Variants in KANSL1 observed in about 807,000 individuals in gnomAD.
The protein encoded by KANSL1 is MLL1/MLL complex subunit KANSL1.
In KANSL1, 22 loss-of-function variants were observed where a neutral mutation model predicts 103.6. The observed-to-expected ratio is 0.21, with a 90% CI of 0.15 to 0.30. KANSL1 has a LOEUF of 0.30. KANSL1 is among the 10% of genes least tolerant of loss of function. The pLI, the probability that KANSL1 is intolerant of heterozygous loss-of-function variation, is 1.00. For missense variants in KANSL1, 1,337 were observed against 1,399.8 expected, an observed-to-expected ratio of 0.96 and a Z score of 0.72; for synonymous variants, 600 against 527.6, an observed-to-expected ratio of 1.14 and a Z score of -1.88.
At chr17:46,089,757 T>A (rs1237655516) in intron 3 of KANSL1, among the ~76,000 whole-genome samples, 1 of 152,236 alleles carries the variant, frequency 6.6e-6, no homozygotes, top group Non-Finnish European at 1.5e-5. Context: ...CACTTGGATG[T>A]GTAACCATGA....
intron 4 of KANSL1, among the ~76,000 whole-genome samples, chr17:46,068,560 C>A (rs933758242): frequency 5.9e-5 from 9 of 152,030 alleles, no homozygotes; most frequent in African/African-American, 2.2e-4. Context: ...CAGAGTGAGA[C>A]CCTGTCTCAA....
chr17:46,090,295 G>A (rs79923630), intron 3 of KANSL1, among the ~76,000 whole-genome samples: 1 of 152,078 alleles, frequency 6.6e-6, no homozygotes, highest in African/African-American at 2.4e-5. Flanking sequence ...CAGACTTCTG[G>A]CCTCCAGAAC....
chr17:46,173,588 T>C (rs1290059458), intron 1 of KANSL1, among the ~76,000 whole-genome samples: 3 of 152,238 alleles, frequency 2.0e-5, no homozygotes, highest in African/African-American at 7.2e-5. Context: ...TCAAAGGTAT[T>C]TTCATAGCAA....
At chr17:46,091,821 G>C (rs1568437741) in intron 3 of KANSL1, among the ~76,000 whole-genome samples, 1 of 151,964 alleles carries the variant, frequency 6.6e-6, no homozygotes, top group Non-Finnish European at 1.5e-5. Flanking sequence ...AAGTATGTAT[G>C]TATGTATGTA....
upstream of KANSL1, among the ~76,000 whole-genome samples, chr17:46,198,619 C>A (rs2047694564): frequency 2.0e-5 from 3 of 152,112 alleles, no homozygotes; most frequent in Non-Finnish European, 4.4e-5. Flanking sequence ...ATAGTCCTAG[C>A]TACTTGGGAG....
chr17:46,120,462 G>C (rs1234757222), intron 2 of KANSL1, among the ~76,000 whole-genome samples: 1 of 152,144 alleles, frequency 6.6e-6, no homozygotes, highest in Non-Finnish European at 1.5e-5. Context: ...AAAGAAAGGA[G>C]GTCTACTGTG....
chr17:46,159,513 G>A (rs181291564), intron 2 of KANSL1, among the ~76,000 whole-genome samples: 1 of 152,300 alleles, frequency 6.6e-6, no homozygotes, highest in African/African-American at 2.4e-5. Flanking sequence ...CACAAATACA[G>A]ACTAAGTAGA....
intron 2 of KANSL1, among the ~76,000 whole-genome samples, chr17:46,100,642 GATAAGTAGC>G (rs1239161860): frequency 8.5e-5 from 13 of 152,136 alleles, no homozygotes; most frequent in Non-Finnish European, 1.5e-4. Flanking sequence ...GTATTTATTA[GATAAGTAGC>G]ACCAAAAGCT....
intron 4 of KANSL1, among the ~76,000 whole-genome samples, chr17:46,080,374 A>T (rs2078944216): frequency 6.6e-6 from 1 of 151,310 alleles, no homozygotes; most frequent in South Asian, 2.1e-4. Context: ...GGAAAAAATT[A>T]ACAAAATGGA....
intron 1 of KANSL1, among the ~76,000 whole-genome samples, chr17:46,186,740 T>G (rs1481515277): frequency 6.6e-6 from 1 of 152,200 alleles, no homozygotes; most frequent in African/African-American, 2.4e-5. Context: ...TCTTTTTTCT[T>G]TTTTTTGAGA....
intron 2 of KANSL1, among the ~76,000 whole-genome samples, chr17:46,151,810 G>A (rs560335077): frequency 1.3e-5 from 2 of 152,282 alleles, no homozygotes; most frequent in East Asian, 3.9e-4. Flanking sequence ...CTTAATTTGG[G>A]GCTTTAGGGA....
intron 2 of KANSL1, among the ~76,000 whole-genome samples, chr17:46,159,310 A>G (rs891123070): frequency 1.3e-5 from 2 of 152,270 alleles, no homozygotes; most frequent in African/African-American, 4.8e-5. Flanking sequence ...GAGCCTAGGT[A>G]GACAAAATGT....
chr17:46,072,299 A>G (rs1321655564), intron 4 of KANSL1, among the ~76,000 whole-genome samples: 2 of 152,124 alleles, frequency 1.3e-5, no homozygotes, highest in Non-Finnish European at 1.5e-5. Flanking sequence ...CTACCTGCAA[A>G]TATGTATTTT....
At position 46,105,947 on chromosome 17, in the gene KANSL1, A is replaced by ACAC. The variant is rs1396276906; in HGVS notation, c.1290-11247_1290-11246insGTG. Among the ~76,000 whole-genome samples the ACAC allele has an allele frequency of 4.3e-3, 250 of 57,836 alleles. 3 individuals carry two copies. Among genetic ancestry groups the ACAC allele is most frequent in the African/African-American group, 0.016 (240 of 15,210 alleles). 37.9% of individuals were successfully genotyped at this position (57,836 alleles called of 152,430 possible). A position where few individuals can be genotyped will look rare whatever the true frequency, so the allele number is the denominator to read the frequency against. On this transcript the variant is annotated intron_variant, in intron 2 of 14. Coordinates refer to ENST00000432791, the MANE Select transcript of KANSL1 (RefSeq NM_015443.4). The stretch of plus-strand genomic sequence containing the variant: ...CACACACACACACACACACACACAC[A>ACAC]CCCCCCCAGAAGGGTGAAGGAGCAG...
intron 1 of KANSL1, among the ~76,000 whole-genome samples, chr17:46,186,062 G>A (rs943000163): frequency 1.3e-5 from 2 of 151,866 alleles, no homozygotes; most frequent in African/African-American, 4.8e-5. Flanking sequence ...TAAAATCAGC[G>A]ACTTCTGGAA....
chr17:46,211,226 G>GAAA (rs2048158699), intron 1 of KANSL1, among the ~76,000 whole-genome samples: 4 of 48,928 alleles, frequency 8.2e-5, no homozygotes, highest in Non-Finnish European at 1.7e-4. Flanking sequence ...GATGTTCTAT[G>GAAA]CAAAAAAAAA....
intron 6 of KANSL1, among the ~76,000 whole-genome samples, chr17:46,055,165 T>C (rs1358715649): frequency 2.0e-5 from 3 of 151,394 alleles, no homozygotes; most frequent in African/African-American, 7.2e-5. Context: ...AAGTTTTATT[T>C]AGAAATACAA....
chr17:46,092,277 C>G (rs549369339), intron 3 of KANSL1, among the ~76,000 whole-genome samples: 1 of 152,182 alleles, frequency 6.6e-6, no homozygotes, highest in South Asian at 2.1e-4. Context: ...TTTAGAAATA[C>G]TTTTCAGATA....
intron 2 of KANSL1, among the ~76,000 whole-genome samples, chr17:46,101,754 CAAAAAAAAAAAAA>C (rs372439614): frequency 6.4e-5 from 6 of 93,656 alleles, no homozygotes. Flanking sequence ...ACTCTGTCTA[CAAAAAAAAAAAAA>C]AAAAAAAAAA....
Sources: allele counts gnomAD v4.1 joint callset (sites outside exome capture counted in the v4.1 genomes callset), GRCh38; gene constraint gnomAD v4.1.1; transcripts MANE v1.5; gene names NCBI Gene and HGNC (gene_info 2026-07-23, HGNC 2026-07-21).